Variants in DPP10 observed in about 807,000 individuals in gnomAD.
DPP10 encodes dipeptidyl peptidase like 10, also known as inactive dipeptidyl peptidase 10.
A neutral mutation model predicts 120.9 loss-of-function variants in DPP10; 33 were observed. That is an observed-to-expected ratio of 0.27 (90% confidence interval 0.21 to 0.37). DPP10 has a LOEUF of 0.37. DPP10 is among the 10% of genes least tolerant of loss of function. The pLI, the probability that DPP10 is intolerant of heterozygous loss-of-function variation, is 1.00. For missense variants in DPP10, 816 were observed against 942.8 expected, an observed-to-expected ratio of 0.87 and a Z score of 1.76; for synonymous variants, 337 against 326.1, an observed-to-expected ratio of 1.03 and a Z score of -0.36.
At chr2:115,560,759 T>G (rs1260251441) in intron 5 of DPP10, among the ~76,000 whole-genome samples, 1 of 151,784 alleles carries the variant, frequency 6.6e-6, no homozygotes, top group Non-Finnish European at 1.5e-5. Flanking sequence ...AAGAACAAAT[T>G]AGTAATGGGT....
intron 1 of DPP10, among the ~76,000 whole-genome samples, chr2:114,800,923 G>GA (rs905666714): frequency 9.1e-6 from 1 of 109,860 alleles, no homozygotes; most frequent in South Asian, 3.1e-4. Context: ...GAAGCATGAG[G>GA]AAAAAAATGG....
intron 5 of DPP10, among the ~76,000 whole-genome samples, chr2:115,654,941 C>A (rs2088155773): frequency 6.6e-6 from 1 of 151,702 alleles, no homozygotes; most frequent in Admixed American, 6.6e-5. Flanking sequence ...GGTTGCATTT[C>A]TTCATAAAAT....
intron 5 of DPP10, among the ~76,000 whole-genome samples, chr2:115,617,291 C>T (rs991489030): frequency 1.0e-4 from 4 of 39,988 alleles, no homozygotes; most frequent in African/African-American, 2.2e-4. Flanking sequence ...TATATATATA[C>T]ACACATAGCA....
intron 1 of DPP10, among the ~76,000 whole-genome samples, chr2:114,759,422 T>C (rs565085753): frequency 6.6e-6 from 1 of 152,236 alleles, no homozygotes; most frequent in Non-Finnish European, 1.5e-5. Flanking sequence ...TCAGTATATT[T>C]ACTTTCTTCT....
chr2:115,038,262 A>T, intron 1 of DPP10, among the ~76,000 whole-genome samples: 1 of 150,538 alleles, frequency 6.6e-6, no homozygotes, highest in Admixed American at 6.6e-5. Context: ...TTATTATTTT[A>T]TTTATTTATT....
intron 5 of DPP10, among the ~76,000 whole-genome samples, chr2:115,679,200 G>T (rs562481778): frequency 1.3e-5 from 2 of 151,918 alleles, no homozygotes; most frequent in South Asian, 2.1e-4. Flanking sequence ...GATGTGGGGG[G>T]GGTGCATGGG....
chr2:115,805,965 C>A (rs1685916306), intron 19 of DPP10, among the ~76,000 whole-genome samples: 1 of 152,194 alleles, frequency 6.6e-6, no homozygotes, highest in Non-Finnish European at 1.5e-5. Context: ...AGGTGAGAAC[C>A]CTTGAGGGAC....
At chr2:115,302,828 A>C (rs1473580989) in intron 1 of DPP10, among the ~76,000 whole-genome samples, 1 of 152,076 alleles carries the variant, frequency 6.6e-6, no homozygotes, top group East Asian at 1.9e-4. Context: ...AGTTATAAAA[A>C]AATTACTTTA....
chr2:115,771,409 T>G (rs996303226), intron 13 of DPP10, among the ~76,000 whole-genome samples: 7 of 128,940 alleles, frequency 5.4e-5, no homozygotes, highest in Non-Finnish European at 1.1e-4. Flanking sequence ...TTATTCATCA[T>G]TAAAGTTATT....
At chr2:115,631,292 G>T (rs60980305) in intron 5 of DPP10, among the ~76,000 whole-genome samples, 34,188 of 151,662 alleles carry the variant, frequency 0.23, 4,317 homozygotes, top group East Asian at 0.39. Flanking sequence ...TTTTTATTGT[G>T]TCTATATGAT....
intron 3 of DPP10, among the ~76,000 whole-genome samples, chr2:115,470,344 A>G (rs1165746424): frequency 6.6e-6 from 1 of 152,166 alleles, no homozygotes. Flanking sequence ...TAATGTGGTG[A>G]ACCTCATTTA....
At chr2:115,252,262 G>A (rs1001401293) in intron 1 of DPP10, among the ~76,000 whole-genome samples, 5 of 151,820 alleles carry the variant, frequency 3.3e-5, no homozygotes, top group Non-Finnish European at 7.4e-5. Context: ...ATAAAATTTG[G>A]GCACACTGGA....
chr2:115,036,841 G>C (rs1190596195), intron 1 of DPP10, among the ~76,000 whole-genome samples: 6 of 152,132 alleles, frequency 3.9e-5, no homozygotes, highest in Non-Finnish European at 8.8e-5. Context: ...TTCTGCATTA[G>C]AATCGAATTA....
intron 1 of DPP10, among the ~76,000 whole-genome samples, chr2:115,241,711 T>A (rs1349766683): frequency 6.6e-6 from 1 of 152,206 alleles, no homozygotes; most frequent in Non-Finnish European, 1.5e-5. Flanking sequence ...GGATTTTGGC[T>A]TTATGTAATA....
intron 1 of DPP10, among the ~76,000 whole-genome samples, chr2:115,134,647 G>C (rs898292646): frequency 6.6e-6 from 1 of 151,980 alleles, no homozygotes; most frequent in Non-Finnish European, 1.5e-5. Context: ...GACGCAAATA[G>C]GGCCTTCATC....
At chr2:114,507,714 A>G (rs930415508) in intron 1 of DPP10, among the ~76,000 whole-genome samples, 1 of 152,224 alleles carries the variant, frequency 6.6e-6, no homozygotes, top group Admixed American at 6.5e-5. Flanking sequence ...CAGCTGTACC[A>G]CTGATTAACG....
intron 1 of DPP10, among the ~76,000 whole-genome samples, chr2:115,089,075 C>T (rs576788748): frequency 2.8e-4 from 43 of 152,186 alleles, no homozygotes; most frequent in African/African-American, 9.9e-4. Context: ...TTTTATGCGC[C>T]ACCTTCTGCC....
chr2:115,785,064 T>C (rs1173814624), intron 17 of DPP10, among the ~76,000 whole-genome samples: 3 of 152,246 alleles, frequency 2.0e-5, no homozygotes, highest in African/African-American at 7.2e-5. Flanking sequence ...CGATGTTCTC[T>C]GGCCTAGAAG....
intron 4 of DPP10, among the ~76,000 whole-genome samples, chr2:115,506,150 C>A (rs368187930): frequency 6.6e-6 from 1 of 152,060 alleles, no homozygotes; most frequent in Non-Finnish European, 1.5e-5. Flanking sequence ...GTCTACACAG[C>A]TTTGATGATG....
Sources: gnomAD v4.1 joint callset for allele counts (sites outside exome capture counted in the v4.1 genomes callset) on GRCh38, gnomAD v4.1.1 for gene constraint, MANE v1.5 for transcripts, NCBI Gene and HGNC (gene_info 2026-07-23, HGNC 2026-07-21) for gene names.